Variants in AP1G1 observed in about 807,000 individuals in gnomAD.
AP1G1 encodes AP-1 complex subunit gamma-1.
AP1G1 carries 7 observed loss-of-function variants against 108.3 expected under a neutral mutation model. The observed-to-expected ratio is 0.06, with a 90% CI of 0.04 to 0.12. AP1G1 has a LOEUF of 0.12. AP1G1 is among the 10% of genes least tolerant of loss of function. The pLI, the probability that AP1G1 is intolerant of heterozygous loss-of-function variation, is 1.00. For missense variants in AP1G1, 756 were observed against 1,010.7 expected, an observed-to-expected ratio of 0.75 and a Z score of 3.42; for synonymous variants, 379 against 353.5, an observed-to-expected ratio of 1.07 and a Z score of -0.81.
At chr16:71,788,462 T>G (rs993251242) in intron 2 of AP1G1, among the ~76,000 whole-genome samples, 26 of 152,144 alleles carry the variant, frequency 1.7e-4, no homozygotes, top group African/African-American at 6.0e-4. Flanking sequence ...ACATCTTAGA[T>G]AGTAACCATT....
chr16:71,798,866 C>T (rs973324311), intron 1 of AP1G1, among the ~76,000 whole-genome samples: 16 of 149,936 alleles, frequency 1.1e-4, no homozygotes, highest in African/African-American at 3.7e-4. Flanking sequence ...CTAGCCTGGG[C>T]GACAAGGGTG....
At chr16:71,767,936 C>T in intron 6 of AP1G1, 2 of 1,577,370 alleles carry the variant, frequency 1.3e-6, no homozygotes, top group Non-Finnish European at 8.6e-7. Context: ...ACATACAAAG[C>T]AAGCATTAGG....
chr16:71,762,962 A>G (rs979243657), intron 9 of AP1G1, among the ~76,000 whole-genome samples: 1 of 152,164 alleles, frequency 6.6e-6, no homozygotes, highest in Non-Finnish European at 1.5e-5. Flanking sequence ...GGGATGTGAC[A>G]CCTTATCTCC....
intron 15 of AP1G1, among the ~76,000 whole-genome samples, chr16:71,749,173 T>A (rs12149873): frequency 3.3e-5 from 5 of 151,294 alleles, no homozygotes; most frequent in African/African-American, 9.7e-5. Context: ...CGCCTTGGCC[T>A]CCCAAAGTGC....
At position 71,794,835 on chromosome 16, in the gene AP1G1, C is replaced by CCTTTT. The variant is rs574266046; in HGVS notation, c.-3-5354_-3-5353insAAAAG. On this transcript the variant is annotated intron_variant, in intron 1 of 22. Coordinates refer to ENST00000299980, the MANE Select transcript of AP1G1 (RefSeq NM_001128.6). The stretch of plus-strand genomic sequence containing the variant: ...TACCATTCTCAGGCCATGAGAAGTG[C>CCTTTT]TTTTTTTTTTTTTTTTTTTTTTTTT... Among the ~76,000 whole-genome samples, 3 of 39,658 alleles carry CCTTTT rather than the reference C, an allele frequency of 7.6e-5. No individual in the cohort carries two copies. In the South Asian group the frequency reaches 4.2e-3, roughly 55 times the overall value. 26.0% of individuals were successfully genotyped at this position (39,658 alleles called of 152,430 possible). A position where few individuals can be genotyped will look rare whatever the true frequency, so the allele number is the denominator to read the frequency against.
chr16:71,801,800 C>T (rs2032810072), intron 1 of AP1G1, among the ~76,000 whole-genome samples: 1 of 151,576 alleles, frequency 6.6e-6, no homozygotes, highest in Non-Finnish European at 1.5e-5. Context: ...CGGGCGCCTG[C>T]AGTCCCAGCT....
At chr16:71,780,802 C>T (rs981539632) in intron 2 of AP1G1, among the ~76,000 whole-genome samples, 22 of 151,396 alleles carry the variant, frequency 1.5e-4, no homozygotes, top group African/African-American at 4.6e-4. Flanking sequence ...TATGCCACCA[C>T]ATGAGGCTAA....
chr16:71,807,701 C>A, intron 1 of AP1G1: 3 of 771,720 alleles, frequency 3.9e-6, no homozygotes, highest in Non-Finnish European at 5.8e-6. Context: ...AAGATCATTA[C>A]TGTACAAACA....
intron 21 of AP1G1, among the ~76,000 whole-genome samples, chr16:71,738,429 G>T (rs929630200): frequency 6.6e-6 from 1 of 152,062 alleles, no homozygotes; most frequent in Non-Finnish European, 1.5e-5. Flanking sequence ...ACCAAACCTT[G>T]ATTCACAAAA....
intron 2 of AP1G1, among the ~76,000 whole-genome samples, chr16:71,788,038 T>C (rs1235914993): frequency 1.3e-5 from 2 of 152,130 alleles, no homozygotes; most frequent in Non-Finnish European, 2.9e-5. Flanking sequence ...ATTAATGGAC[T>C]CCCACTCTTG....
At chr16:71,796,759 C>T (rs1597088685) in intron 1 of AP1G1, among the ~76,000 whole-genome samples, 1 of 152,248 alleles carries the variant, frequency 6.6e-6, no homozygotes, top group East Asian at 1.9e-4. Context: ...ACAGTAATTA[C>T]AGGAATCTTA....
At chr16:71,751,104 G>C (rs555305161) in intron 13 of AP1G1, among the ~76,000 whole-genome samples, 3 of 148,584 alleles carry the variant, frequency 2.0e-5, no homozygotes, top group African/African-American at 7.5e-5. Flanking sequence ...GCAGTGAGCC[G>C]AGTTTGCGCC....
chr16:71,801,791 G>C (rs563570822), intron 1 of AP1G1, among the ~76,000 whole-genome samples: 1 of 151,820 alleles, frequency 6.6e-6, no homozygotes, highest in African/African-American at 2.4e-5. Flanking sequence ...GCGTGGTGGC[G>C]GGCGCCTGCA....
intron 21 of AP1G1, among the ~76,000 whole-genome samples, chr16:71,736,118 ATATAT>A (rs760949666): frequency 0.11 from 6,390 of 55,768 alleles, 670 homozygotes; most frequent in South Asian, 0.26. Flanking sequence ...AAAAAAAAAA[ATATAT>A]ATATATATAT....
intron 2 of AP1G1, among the ~76,000 whole-genome samples, chr16:71,780,279 G>A (rs967576301): frequency 1.3e-4 from 19 of 151,792 alleles, no homozygotes; most frequent in South Asian, 2.1e-4. Flanking sequence ...GTGAGCCACC[G>A]CGCCGGCCAA....
chr16:71,733,215 T>C, intron 22 of AP1G1, 56 bp from the exon 23 acceptor site: 2 of 1,378,526 alleles, frequency 1.5e-6, no homozygotes, highest in African/African-American at 2.9e-5. Context: ...CTCCAGAATC[T>C]GTCCGGTCCA....
chr16:71,775,112 C>T (rs1429344240), intron 2 of AP1G1, among the ~76,000 whole-genome samples: 1 of 148,530 alleles, frequency 6.7e-6, no homozygotes, highest in East Asian at 2.0e-4. Flanking sequence ...CTGCAACCTC[C>T]ACCTCCTGGG....
At chr16:71,763,381 T>C (rs567594246) in intron 9 of AP1G1, among the ~76,000 whole-genome samples, 2 of 152,208 alleles carry the variant, frequency 1.3e-5, no homozygotes, top group Non-Finnish European at 2.9e-5. Flanking sequence ...TGGAGAGTTA[T>C]TGTTTAATGG....
rs140098786 is a variant in AP1G1 at position 71,738,475 on chromosome 16, G to A, written c.2268+467C>T. On this transcript the variant is annotated intron_variant, in intron 21 of 22. Transcript: ENST00000299980. The stretch of plus-strand genomic sequence containing the variant: ...TATCTATAATAAATTGGATGTTAAC[G>A]AAGGAGGAATGTTTCTCTCATTTAT... 4.7e-4 allele frequency among the ~76,000 whole-genome samples: 72 copies of A among 152,250 alleles called. 1 individual carries two copies. In the East Asian group the frequency reaches 0.01, roughly 21 times the overall value.
Sources: gnomAD v4.1 joint callset for allele counts (sites outside exome capture counted in the v4.1 genomes callset) on GRCh38, gnomAD v4.1.1 for gene constraint, MANE v1.5 for transcripts, NCBI Gene and HGNC (gene_info 2026-07-23, HGNC 2026-07-21) for gene names.